DHRSX: variants seen among roughly 807,000 people sequenced by gnomAD.
The protein encoded by DHRSX is polyprenol dehydrogenase.
DHRSX carries 31 observed loss-of-function variants against 34.0 expected under a neutral mutation model. The observed-to-expected ratio is 0.91, with a 90% CI of 0.69 to 1.23. The LOEUF (loss-of-function observed/expected upper bound fraction) is 1.23, where lower values mean the gene tolerates loss of function less well. Ranked by LOEUF, DHRSX falls within the 50% of genes most tolerant of loss-of-function variation. The probability of loss-of-function intolerance (pLI) is 0.00; values close to 1 mark genes in which losing one functional copy is unlikely to be tolerated. For missense variants in DHRSX, 414 were observed against 428.1 expected, an observed-to-expected ratio of 0.97 and a Z score of 0.29; for synonymous variants, 201 against 183.8, an observed-to-expected ratio of 1.09 and a Z score of -0.76.
At chrX:2,459,829 C>T (rs2044378196) in intron 1 of DHRSX, among the ~76,000 whole-genome samples, 1 of 151,916 alleles carries the variant, frequency 6.6e-6, no homozygotes, top group South Asian at 2.1e-4. Flanking sequence ...TACACTGGGC[C>T]GGGCGCGGTG....
intron 2 of DHRSX, among the ~76,000 whole-genome samples, chrX:2,418,456 C>T (rs1397461817): frequency 1.3e-5 from 2 of 152,172 alleles, no homozygotes; most frequent in African/African-American, 4.8e-5. Flanking sequence ...TAAACCACCA[C>T]AATGAGGCAA....
chrX:2,465,422 T>A (rs1175553801), intron 1 of DHRSX, among the ~76,000 whole-genome samples: 1 of 152,064 alleles, frequency 6.6e-6, no homozygotes, highest in African/African-American at 2.4e-5. Context: ...CTGTTTAGCA[T>A]ACAAAATCAA....
At chrX:2,409,013 T>C (rs945902667) in intron 2 of DHRSX, among the ~76,000 whole-genome samples, 200 bp from the exon 3 acceptor site, 1 of 152,250 alleles carries the variant, frequency 6.6e-6, no homozygotes, top group Admixed American at 6.5e-5. Context: ...TCATTTTCTT[T>C]AGCCTGCATT....
chrX:2,373,621 A>C (rs2043105980), intron 3 of DHRSX, among the ~76,000 whole-genome samples: 1 of 152,104 alleles, frequency 6.6e-6, no homozygotes, highest in African/African-American at 2.4e-5. Flanking sequence ...CTGGAGTTAT[A>C]AATTATCAGG....
intron 1 of DHRSX, chrX:2,488,016 A>G (rs1181608667): frequency 6.6e-6 from 1 of 151,700 alleles, no homozygotes; most frequent in Admixed American, 6.6e-5. Flanking sequence ...GGAGAACTCG[A>G]ATCAGACATG....
At chrX:2,254,946 G>GCCC (rs1019729155) in intron 5 of DHRSX, among the ~76,000 whole-genome samples, 4 of 104,678 alleles carry the variant, frequency 3.8e-5, no homozygotes, top group East Asian at 2.3e-4. Context: ...CCTGCCCCAC[G>GCCC]CCCCCCCCCT....
chrX:2,477,080 T>C (rs1473437914), intron 1 of DHRSX, among the ~76,000 whole-genome samples: 1 of 152,174 alleles, frequency 6.6e-6, no homozygotes. Flanking sequence ...GTAAGTCTTT[T>C]AAAATATTAG....
chrX:2,438,719 G>A (rs1413040573), intron 1 of DHRSX, among the ~76,000 whole-genome samples: 2 of 148,500 alleles, frequency 1.3e-5, no homozygotes, highest in Non-Finnish European at 3.0e-5. Context: ...AATGATCTAG[G>A]AGAGTACTGG....
At chrX:2,262,753 T>G (rs2041381224) in intron 5 of DHRSX, among the ~76,000 whole-genome samples, 1 of 152,190 alleles carries the variant, frequency 6.6e-6, no homozygotes, top group Non-Finnish European at 1.5e-5. Flanking sequence ...CTGGCCAGCC[T>G]CGCTCCTTCC....
rs1312854304 is a variant in DHRSX at position 2,219,798 on chromosome X, A to C, written c.*1243T>G. The C allele has an allele frequency of 6.6e-6, 1 of 152,222 alleles. No individual in the cohort carries two copies. The highest frequency in any genetic ancestry group is 1.5e-5 in the Non-Finnish European group (1 of 68,044). 9.4% of individuals were successfully genotyped at this position (152,222 alleles called of 1,614,324 possible). On this transcript the variant is annotated 3_prime_UTR_variant, in exon 7 of 7. Transcript: ENST00000334651. ...GAGTGCAGGCTCGTAGGGTATACAC[A>C]GTACTTTCTCAAAAGCATTGCAAAT...
At position 2,337,334 on chromosome X, in the gene DHRSX, T is replaced by G. The variant is rs1208743191; in HGVS notation, c.287-45731A>C. 2.0e-5 allele frequency among the ~76,000 whole-genome samples: 3 copies of G among 152,156 alleles called. No homozygotes were observed. The East Asian group carries it at 5.8e-4, about 29-fold the overall frequency. ...TCACACGAGTAGTGTTGTTTGGCTC[T>G]GAGAAGCACTTTCATTTTTATTTCC... is the stretch of plus-strand genomic sequence containing the variant. On this transcript the variant is annotated intron_variant, in intron 3 of 6. Coordinates refer to ENST00000334651, the MANE Select transcript of DHRSX (RefSeq NM_145177.3).
At chrX:2,445,170 C>T (rs2044114117) in intron 1 of DHRSX, among the ~76,000 whole-genome samples, 8 of 152,042 alleles carry the variant, frequency 5.3e-5, no homozygotes, top group Admixed American at 5.2e-4. Context: ...AAACAAAGAA[C>T]ATTAGATAGT....
intron 3 of DHRSX, 121 bp downstream of exon 3, chrX:2,408,624 C>G (rs1401377327): frequency 1.2e-6 from 1 of 846,396 alleles, no homozygotes; most frequent in Non-Finnish European, 1.9e-6. Flanking sequence ...GTGCAAAAAT[C>G]AGAGCCATCT....
At position 2,426,759 on chromosome X, in the gene DHRSX, C is replaced by T. The variant is rs188003410; in HGVS notation, c.110-1455G>A. On this transcript the variant is annotated intron_variant, in intron 1 of 6. Coordinates refer to ENST00000334651, the MANE Select transcript of DHRSX (RefSeq NM_145177.3). Reference sequence around the variant, plus strand: ...ACTTTTTCCTTCCTTCCTTCCCTTCCCTTCCTTTCCTCTTTACTTCCTTCT... The same window carrying T: ...ACTTTTTCCTTCCTTCCTTCCCTTCTCTTCCTTTCCTCTTTACTTCCTTCT... 5.0e-4 allele frequency among the ~76,000 whole-genome samples: 74 copies of T among 148,994 alleles called. 2 individuals carry two copies. Among genetic ancestry groups the T allele is most frequent in the African/African-American group, 1.5e-3 (60 of 40,414 alleles).
At chrX:2,404,735 TC>T (rs1390759881) in intron 3 of DHRSX, among the ~76,000 whole-genome samples, 2 of 151,698 alleles carry the variant, frequency 1.3e-5, no homozygotes, top group African/African-American at 4.9e-5. Flanking sequence ...TACACAGAGC[TC>T]CCCCCGCCCC....
intron 1 of DHRSX, among the ~76,000 whole-genome samples, chrX:2,484,042 C>G (rs2044818359): frequency 6.6e-6 from 1 of 152,204 alleles, no homozygotes; most frequent in Non-Finnish European, 1.5e-5. Context: ...GTGGCACGAT[C>G]TTAGCTCACT....
chrX:2,385,142 GTATATATA>G (rs1283398692), intron 3 of DHRSX, among the ~76,000 whole-genome samples: 1 of 144,194 alleles, frequency 6.9e-6, no homozygotes, highest in Admixed American at 7.0e-5. Context: ...GTGTGTATGT[GTATATATA>G]TGTGTGTGTG....
At chrX:2,245,608 C>T (rs1033671422) in intron 5 of DHRSX, among the ~76,000 whole-genome samples, 5 of 151,064 alleles carry the variant, frequency 3.3e-5, no homozygotes, top group Admixed American at 3.3e-4. Context: ...CCGCACCCAC[C>T]CCAACGTAGC....
At chrX:2,321,777 T>A (rs1452454187) in intron 3 of DHRSX, among the ~76,000 whole-genome samples, 1 of 152,030 alleles carries the variant, frequency 6.6e-6, no homozygotes, top group Non-Finnish European at 1.5e-5. Context: ...CGGGTCCACT[T>A]CTACGGGCAT....
Sources: gnomAD v4.1 joint callset for allele counts (sites outside exome capture counted in the v4.1 genomes callset) on GRCh38, gnomAD v4.1.1 for gene constraint, MANE v1.5 for transcripts, NCBI Gene and HGNC (gene_info 2026-07-23, HGNC 2026-07-21) for gene names.